The following ADGRA1 variants were observed in gnomAD, a reference collection of about 807,000 sequenced individuals.
The protein encoded by ADGRA1 is adhesion G protein-coupled receptor A1.
A neutral mutation model predicts 21.3 loss-of-function variants in ADGRA1; 12 were observed. The observed-to-expected ratio is 0.56, with a 90% CI of 0.36 to 0.91. ADGRA1 has a LOEUF of 0.91. Among genes scored for constraint, ADGRA1 ranks in the 40% least tolerant of loss-of-function variants. ADGRA1 has a pLI of 0.01. For synonymous variants in ADGRA1, 385 were observed against 368.8 expected, an observed-to-expected ratio of 1.04 and a Z score of -0.50; for missense variants, 790 against 805.6, an observed-to-expected ratio of 0.98 and a Z score of 0.23.
At chr10:133,111,091 T>C (rs1851982742) in intron 5 of ADGRA1, among the ~76,000 whole-genome samples, 2 of 142,010 alleles carry the variant, frequency 1.4e-5, no homozygotes, top group Non-Finnish European at 3.2e-5. Context: ...CTGCCTGCCA[T>C]GGGCAGCTCC....
chr10:133,089,206 G>A (rs1469903990), intron 2 of ADGRA1, among the ~76,000 whole-genome samples: 1 of 152,180 alleles, frequency 6.6e-6, no homozygotes, highest in African/African-American at 2.4e-5. Flanking sequence ...CGCAAAGCTG[G>A]CATCCGTGCC....
At chr10:133,104,450 G>A (rs910364054) in intron 5 of ADGRA1, among the ~76,000 whole-genome samples, 2 of 152,192 alleles carry the variant, frequency 1.3e-5, no homozygotes, top group African/African-American at 2.4e-5. Context: ...CTGCCAATGC[G>A]CGCCGCAGAG....
At chr10:133,117,640 T>A (rs1464165480) in intron 5 of ADGRA1, among the ~76,000 whole-genome samples, 1 of 152,220 alleles carries the variant, frequency 6.6e-6, no homozygotes, top group African/African-American at 2.4e-5. Flanking sequence ...CAGCTCAGCA[T>A]CTGGAATGGG....
rs1048436612 is a variant in ADGRA1 at position 133,087,968 on chromosome 10, G to T, written c.-373G>T. The stretch of plus-strand genomic sequence containing the variant: ...TGGCCGGGCTGGGCCGCTCGTGCGC[G>T]GGGCTGTGACTCACCGGCCGGCGCC... On this transcript the variant is annotated 5_prime_UTR_variant, in exon 1 of 7. Coordinates refer to ENST00000392607, the MANE Select transcript of ADGRA1 (RefSeq NM_001083909.3). 2.0e-6 allele frequency: 2 copies of T among 984,796 alleles called. No homozygotes were observed. The highest frequency in any genetic ancestry group is 2.4e-6 in the Non-Finnish European group (2 of 829,758). 61.0% of individuals were successfully genotyped at this position (984,796 alleles called of 1,614,324 possible).
At chr10:133,106,056 C>A (rs1286720767) in intron 5 of ADGRA1, among the ~76,000 whole-genome samples, 3 of 152,228 alleles carry the variant, frequency 2.0e-5, no homozygotes, top group Non-Finnish European at 2.9e-5. Context: ...TTTGGGGGCA[C>A]CCTCTCCCAC....
chr10:133,098,212 G>T (rs903431207), intron 3 of ADGRA1, among the ~76,000 whole-genome samples: 1 of 152,126 alleles, frequency 6.6e-6, no homozygotes, highest in Non-Finnish European at 1.5e-5. Context: ...GGCTATAGCC[G>T]GGGTCACGCT....
At chr10:133,115,619 C>T (rs1852142881) in intron 5 of ADGRA1, among the ~76,000 whole-genome samples, 1 of 152,142 alleles carries the variant, frequency 6.6e-6, no homozygotes, top group Non-Finnish European at 1.5e-5. Flanking sequence ...ACAGGTGGCT[C>T]CCCAGGAGGG....
intron 5 of ADGRA1, among the ~76,000 whole-genome samples, chr10:133,118,277 G>A (rs1389728437): frequency 1.3e-5 from 2 of 152,188 alleles, no homozygotes; most frequent in African/African-American, 4.8e-5. Flanking sequence ...TTAAGTTAAG[G>A]TACGTACGTT....
intron 5 of ADGRA1, among the ~76,000 whole-genome samples, chr10:133,116,226 G>GT: frequency 6.6e-6 from 1 of 152,172 alleles, no homozygotes; most frequent in Non-Finnish European, 1.5e-5. Context: ...GTAACGAAAT[G>GT]TGGTGAAAAT....
At chr10:133,100,554 C>G (rs1851773725) in intron 4 of ADGRA1, among the ~76,000 whole-genome samples, 2 of 152,214 alleles carry the variant, frequency 1.3e-5, no homozygotes, top group Admixed American at 6.5e-5. Flanking sequence ...GGTGTTGGGG[C>G]TGCAGCAGGC....
intron 2 of ADGRA1, among the ~76,000 whole-genome samples, chr10:133,091,670 C>T (rs1851597606): frequency 6.6e-6 from 1 of 152,240 alleles, no homozygotes; most frequent in African/African-American, 2.4e-5. Flanking sequence ...CTGTTTGCTG[C>T]ACCCTGCATG....
At chr10:133,096,347 C>T (rs1175294675) in intron 2 of ADGRA1, among the ~76,000 whole-genome samples, 1 of 152,270 alleles carries the variant, frequency 6.6e-6, no homozygotes, top group Non-Finnish European at 1.5e-5. Flanking sequence ...CCCCAGTCTA[C>T]TCTGCCACAG....
At chr10:133,103,690 G>A (rs1851841396) in intron 5 of ADGRA1, among the ~76,000 whole-genome samples, 1 of 152,238 alleles carries the variant, frequency 6.6e-6, no homozygotes, top group Admixed American at 6.5e-5. Context: ...CTCTGCACCA[G>A]CAGGAAAAAG....
rs527910216 is a variant in ADGRA1, at chr10:133,107,883, T to C, written c.401+5041T>C. ...ATGAAGGGAGTCCCCACTTGATCAA[T>C]GCAGTGTGGTTTTGGGTGGCTTGTC... On this transcript the variant is annotated intron_variant, in intron 5 of 6. Transcript: ENST00000392607. Among the ~76,000 whole-genome samples, 14 of 152,352 alleles carry C rather than the reference T, an allele frequency of 9.2e-5. No homozygotes were observed. The South Asian group carries it at 2.9e-3, about 32-fold the overall frequency.
Position 133,088,860 on chromosome 10 carries a change from CT to C in ADGRA1, c.-49del, listed in dbSNP as rs1851549375. ...CAGGGCGCCACCTGATCGCCTCCCC[CT>C]GGACGCCTCCTCCAGCGGCGCTCAC... is the stretch of plus-strand genomic sequence containing the variant. On this transcript the variant is annotated 5_prime_UTR_variant, in exon 2 of 7. Transcript: ENST00000392607. 1.6e-6 allele frequency: 2 copies of C among 1,237,540 alleles called. No individual in the cohort carries two copies. Among genetic ancestry groups the C allele is most frequent in the South Asian group, 4.1e-5 (1 of 24,432 alleles). 76.7% of individuals were successfully genotyped at this position (1,237,540 alleles called of 1,614,324 possible).
intron 2 of ADGRA1, among the ~76,000 whole-genome samples, chr10:133,094,366 G>A (rs1258347725): frequency 6.6e-6 from 1 of 152,258 alleles, no homozygotes; most frequent in Non-Finnish European, 1.5e-5. Context: ...GGAGGCAGCG[G>A]GACAGGACGC....
At chr10:133,089,088 G>T in intron 2 of ADGRA1, 176 bp downstream of exon 2, 3 of 1,139,928 alleles carry the variant, frequency 2.6e-6, no homozygotes, top group Non-Finnish European at 2.2e-6. Context: ...GGGACAGGCC[G>T]CGTGTCTGGG....
intron 5 of ADGRA1, among the ~76,000 whole-genome samples, chr10:133,121,843 G>T (rs1184083734): frequency 6.8e-6 from 1 of 147,770 alleles, no homozygotes; most frequent in Non-Finnish European, 1.5e-5. Flanking sequence ...ATATATGTGT[G>T]CCTGTGCGTG....
At chr10:133,112,811 T>TTATTTGGGGTCTGTAAGCTATG (rs1852079964) in intron 5 of ADGRA1, among the ~76,000 whole-genome samples, 1 of 117,644 alleles carries the variant, frequency 8.5e-6, no homozygotes, top group East Asian at 2.8e-4. Flanking sequence ...GCCGTGTTGG[T>TTATTTGGGGTCTGTAAGCTATG]TCGGTTATTT....
Sources: allele counts gnomAD v4.1 joint callset (sites outside exome capture counted in the v4.1 genomes callset), GRCh38; gene constraint gnomAD v4.1.1; transcripts MANE v1.5; gene names NCBI Gene and HGNC (gene_info 2026-07-23, HGNC 2026-07-21).